COL19A1: variants seen among roughly 807,000 people sequenced by gnomAD.
COL19A1 encodes the protein collagen alpha-1(XIX) chain.
In COL19A1, 159 loss-of-function variants were observed where a neutral mutation model predicts 190.2. The ratio of observed to expected loss-of-function variants is 0.84; its 90% CI spans 0.73 to 0.95. The LOEUF (loss-of-function observed/expected upper bound fraction) is 0.95. Among genes scored for constraint, COL19A1 ranks in the 40% least tolerant of loss-of-function variants. The pLI, the probability that COL19A1 is intolerant of heterozygous loss-of-function variation, is 0.00. For missense variants in COL19A1, 1,418 were observed against 1,431.9 expected, an observed-to-expected ratio of 0.99 and a Z score of 0.16; for synonymous variants, 509 against 458.9, an observed-to-expected ratio of 1.11 and a Z score of -1.39.
intron 14 of COL19A1, among the ~76,000 whole-genome samples, chr6:70,043,865 C>G (rs1779764629): frequency 6.6e-6 from 1 of 152,152 alleles, no homozygotes; most frequent in South Asian, 2.1e-4. Flanking sequence ...GTATTATCCC[C>G]TAACTAGAGA....
At chr6:70,114,011 C>T (rs1465901080) in intron 16 of COL19A1, among the ~76,000 whole-genome samples, 1 of 151,840 alleles carries the variant, frequency 6.6e-6, no homozygotes, top group African/African-American at 2.4e-5. Context: ...CTAACATGCC[C>T]TGCTAATTTT....
At chr6:70,132,215 T>C (rs1366578113) in intron 18 of COL19A1, among the ~76,000 whole-genome samples, 3 of 152,030 alleles carry the variant, frequency 2.0e-5, no homozygotes, top group Admixed American at 1.3e-4. Context: ...CTGGACAATA[T>C]AGTGATACCC....
chr6:70,010,552 C>T (rs1483298982), intron 11 of COL19A1, among the ~76,000 whole-genome samples: 5 of 142,016 alleles, frequency 3.5e-5, no homozygotes, highest in Middle Eastern at 3.5e-3. Flanking sequence ...ACCTGGGAAG[C>T]GCAAGGGGTC....
At chr6:69,922,971 A>T (rs1319680016) in intron 4 of COL19A1, among the ~76,000 whole-genome samples, 4 of 152,306 alleles carry the variant, frequency 2.6e-5, no homozygotes, top group Middle Eastern at 3.4e-3. Context: ...AGTCTTAACA[A>T]CAGATGGACT....
chr6:69,980,728 T>C (rs1483463181), intron 11 of COL19A1, among the ~76,000 whole-genome samples: 2 of 152,212 alleles, frequency 1.3e-5, no homozygotes, highest in East Asian at 3.8e-4. Flanking sequence ...GGCAGCTCGC[T>C]AAAGAGAAAA....
intron 42 of COL19A1, among the ~76,000 whole-genome samples, chr6:70,178,923 T>A (rs1765990851): frequency 6.6e-6 from 1 of 152,154 alleles, no homozygotes; most frequent in Non-Finnish European, 1.5e-5. Flanking sequence ...CAGCATGCTC[T>A]CCCCCGGATG....
rs568585549 is a variant in COL19A1 at position 70,133,544 on chromosome 6, G to C, written c.1383+3321G>C. 3.9e-5 allele frequency among the ~76,000 whole-genome samples: 6 copies of C among 152,294 alleles called. No individual in the cohort carries two copies. The East Asian group carries it at 1.2e-3, about 29-fold the overall frequency. ...AATGTACTTGCAAGTTACTTGAGGAGAACTGCTGCTTTATAGAGACAGTAG... is the reference window on the plus strand; with the variant it reads ...AATGTACTTGCAAGTTACTTGAGGACAACTGCTGCTTTATAGAGACAGTAG... On this transcript the variant is annotated intron_variant, in intron 18 of 50. Coordinates refer to ENST00000620364, the MANE Select transcript of COL19A1 (RefSeq NM_001858.6).
chr6:70,205,867 ATATCT>A (rs1214179996), intron 49 of COL19A1, among the ~76,000 whole-genome samples: 3 of 152,194 alleles, frequency 2.0e-5, no homozygotes, highest in South Asian at 4.1e-4. Flanking sequence ...TTTGGTTAAA[ATATCT>A]TAAGTTGATG....
intron 4 of COL19A1, among the ~76,000 whole-genome samples, chr6:69,912,464 C>G (rs1438432608): frequency 6.6e-6 from 1 of 152,168 alleles, no homozygotes; most frequent in Non-Finnish European, 1.5e-5. Flanking sequence ...AGCAGATATG[C>G]TTTTCTTCTT....
At chr6:69,989,087 G>T (rs1477338434) in intron 11 of COL19A1, among the ~76,000 whole-genome samples, 3 of 152,016 alleles carry the variant, frequency 2.0e-5, no homozygotes, top group African/African-American at 7.3e-5. Context: ...ATTTCCCTAA[G>T]TTCTGGCTTT....
rs77009897 is a variant in COL19A1 at position 69,926,625 on chromosome 6, A to T, written c.267-1284A>T. The stretch of plus-strand genomic sequence containing the variant: ...GGAAAAAGAATGAAGAAAAATGAAC[A>T]GTTCCAAGACTGTGTGATACCAGCA... On this transcript the variant is annotated intron_variant, in intron 4 of 50. Coordinates refer to ENST00000620364, the MANE Select transcript of COL19A1 (RefSeq NM_001858.6). 3.9e-3 allele frequency among the ~76,000 whole-genome samples: 593 copies of T among 152,244 alleles called. 3 individuals carry two copies. Among genetic ancestry groups the T allele is most frequent in the African/African-American group, 0.014 (578 of 41,558 alleles).
chr6:70,100,970 G>A (rs2150186601), intron 15 of COL19A1, among the ~76,000 whole-genome samples: 1 of 152,164 alleles, frequency 6.6e-6, no homozygotes, highest in South Asian at 2.1e-4. Context: ...TTACTCTACT[G>A]TTTCAACTGG....
intron 11 of COL19A1, among the ~76,000 whole-genome samples, chr6:70,001,766 C>T (rs563568688): frequency 4.3e-4 from 65 of 152,152 alleles, no homozygotes; most frequent in African/African-American, 1.4e-3. Flanking sequence ...GGAGTTTTTG[C>T]GCTGAGATGA....
At chr6:69,889,112 C>T (rs1251268540) in intron 2 of COL19A1, among the ~76,000 whole-genome samples, 4 of 152,144 alleles carry the variant, frequency 2.6e-5, no homozygotes, top group African/African-American at 4.8e-5. Context: ...TATTGTTGCT[C>T]TTTATCTTCC....
Position 69,969,567 on chromosome 6 carries a change from A to C in COL19A1, c.1026+6697A>C, listed in dbSNP as rs113560111. On this transcript the variant is annotated intron_variant, in intron 11 of 50. Coordinates refer to ENST00000620364, the MANE Select transcript of COL19A1 (RefSeq NM_001858.6). ...AAAAATTAAAAATAACAATACAACA[A>C]TAACAAATAATACAAATAAAAAACA... is the stretch of plus-strand genomic sequence containing the variant. Among the ~76,000 whole-genome samples, 333 of 152,358 alleles carry C rather than the reference A, an allele frequency of 2.2e-3. 3 individuals are homozygous for C. Among genetic ancestry groups the C allele is most frequent in the African/African-American group, 7.7e-3 (319 of 41,582 alleles).
At chr6:70,055,421 A>G (rs1396580108) in intron 14 of COL19A1, among the ~76,000 whole-genome samples, 2 of 152,070 alleles carry the variant, frequency 1.3e-5, no homozygotes, top group South Asian at 2.1e-4. Context: ...GAGACAACCT[A>G]GATGTCTAGC....
intron 16 of COL19A1, among the ~76,000 whole-genome samples, chr6:70,118,997 C>T (rs74513856): frequency 0.068 from 10,334 of 152,176 alleles, 1,153 homozygotes; most frequent in African/African-American, 0.24. Flanking sequence ...AGGATCATAT[C>T]CCATTTCACC....
intron 4 of COL19A1, among the ~76,000 whole-genome samples, chr6:69,925,456 G>T (rs1772305620): frequency 6.6e-6 from 1 of 152,108 alleles, no homozygotes; most frequent in Admixed American, 6.6e-5. Context: ...TCTCTGTTTT[G>T]ATACCAGTAC....
At chr6:70,179,935 T>G (rs1348206899) in intron 42 of COL19A1, among the ~76,000 whole-genome samples, 1 of 151,908 alleles carries the variant, frequency 6.6e-6, no homozygotes, top group Non-Finnish European at 1.5e-5. Flanking sequence ...CAGGCTGGAG[T>G]GAAATGTCAT....
Sources: allele counts gnomAD v4.1 joint callset (sites outside exome capture counted in the v4.1 genomes callset), GRCh38; gene constraint gnomAD v4.1.1; transcripts MANE v1.5; gene names NCBI Gene and HGNC (gene_info 2026-07-23, HGNC 2026-07-21).